DAB2IP: variants seen among roughly 807,000 people sequenced by gnomAD.
The protein encoded by DAB2IP is disabled homolog 2-interacting protein.
DAB2IP carries 28 observed loss-of-function variants against 107.2 expected under a neutral mutation model. The ratio of observed to expected loss-of-function variants is 0.26; its 90% CI spans 0.19 to 0.36. The LOEUF is 0.36. Among genes scored for constraint, DAB2IP ranks in the 10% least tolerant of loss-of-function variants. The pLI is 1.00. For missense variants in DAB2IP, 1,400 were observed against 1,644.7 expected (o/e 0.85, Z 2.57); for synonymous variants, 755 against 706.4 (o/e 1.07, Z -1.09).
intron 2 of DAB2IP, among the ~76,000 whole-genome samples, chr9:121,683,790 G>T (rs1012454635): frequency 5.3e-5 from 8 of 152,168 alleles, no homozygotes; most frequent in African/African-American, 1.9e-4. Flanking sequence ...CTTAAAGAAG[G>T]GACTCTTGGG....
At chr9:121,657,676 T>C (rs772945551) in intron 1 of DAB2IP, among the ~76,000 whole-genome samples, 1 of 152,052 alleles carries the variant, frequency 6.6e-6, no homozygotes, top group African/African-American at 2.4e-5. Context: ...CTAACTTTCT[T>C]GGTTGCTGCA....
At chr9:121,655,815 G>A (rs1391390312) in intron 1 of DAB2IP, among the ~76,000 whole-genome samples, 1 of 152,122 alleles carries the variant, frequency 6.6e-6, no homozygotes, top group Non-Finnish European at 1.5e-5. Context: ...CTGGGAGCTG[G>A]GGGTTTTGCA....
At chr9:121,614,660 G>A (rs953282142) in intron 1 of DAB2IP, among the ~76,000 whole-genome samples, 2 of 151,228 alleles carry the variant, frequency 1.3e-5, no homozygotes, top group African/African-American at 2.4e-5. Context: ...ATTCTGTTGT[G>A]CGGTTTCTAC....
intron 1 of DAB2IP, among the ~76,000 whole-genome samples, chr9:121,593,938 G>T (rs1271362902): frequency 3.3e-5 from 5 of 151,944 alleles, no homozygotes; most frequent in Non-Finnish European, 1.5e-5. Context: ...AAAGTGCTGG[G>T]TTTACAGACG....
rs1376740979 is a variant in DAB2IP, at chr9:121,763,639, G to A, written c.1305G>A (p.Gln435=). ...AGCTAGTGGGCCAGAAGTACCTGCA[G>A]GACGCCCTAGGTAGGGAGTGGGCCA... The change falls in exon 7 of 16, where the codon CAG becomes CAA. Residue 435 remains glutamine (Q), a synonymous_variant. Transcript: ENST00000408936. 10 of 1,613,012 alleles carry A rather than the reference G, an allele frequency of 6.2e-6. No homozygotes were observed. The Admixed American group carries it at 1.3e-4, about 22-fold the overall frequency.
At chr9:121,591,289 T>G (rs965147066) in intron 1 of DAB2IP, among the ~76,000 whole-genome samples, 6 of 152,146 alleles carry the variant, frequency 3.9e-5, no homozygotes, top group Non-Finnish European at 5.9e-5. Context: ...GCCAACATAG[T>G]GAAACCCTGT....
At chr9:121,666,031 C>T (rs895498973) in intron 1 of DAB2IP, among the ~76,000 whole-genome samples, 2 of 152,222 alleles carry the variant, frequency 1.3e-5, no homozygotes, top group African/African-American at 4.8e-5. Context: ...GGACAGAAGT[C>T]TGAAATCATT....
rs1018094731 is a variant in DAB2IP, at chr9:121,633,078, G to A, written c.41-45600G>A. ...ACTGATGCCGGAGAATAAATTTGCT[G>A]TTTTGTAGAGCATGTGGATGCATAT... On this transcript the variant is annotated intron_variant, in intron 1 of 16. Coordinates refer to the DAB2IP transcript ENST00000259371. This position sits in a 1 kb window ranked among gnomAD's most constrained non-coding sequence, Gnocchi z 5.1. Among the ~76,000 whole-genome samples the A allele has an allele frequency of 5.3e-5, 8 of 152,308 alleles. No individual in the cohort carries two copies. Among genetic ancestry groups the A allele is most frequent in the African/African-American group, 1.9e-4 (8 of 41,574 alleles).
chr9:121,686,860 C>T (rs951382762), intron 2 of DAB2IP, among the ~76,000 whole-genome samples: 2 of 152,208 alleles, frequency 1.3e-5, no homozygotes, highest in Non-Finnish European at 2.9e-5. Context: ...GCAGACCCCT[C>T]CCACTTCCAT....
intron 1 of DAB2IP, among the ~76,000 whole-genome samples, chr9:121,590,358 T>C (rs937127020): frequency 2.6e-5 from 4 of 151,662 alleles, no homozygotes; most frequent in African/African-American, 7.3e-5. Context: ...CATCCTATGA[T>C]GCTTCAGTCA....
chr9:121,600,467 G>A (rs913711429), intron 1 of DAB2IP, among the ~76,000 whole-genome samples: 2 of 152,128 alleles, frequency 1.3e-5, no homozygotes, highest in Non-Finnish European at 2.9e-5. Flanking sequence ...ACTGCAGGGT[G>A]TTCTGGTCTC....
intron 13 of DAB2IP, 142 bp downstream of exon 13, chr9:121,774,554 T>A: frequency 1.0e-6 from 1 of 988,220 alleles, no homozygotes; most frequent in Non-Finnish European, 1.4e-6. Context: ...CTGTTCCCTG[T>A]GAGAATAGCA....
rs1830604969 is a variant in DAB2IP at position 121,599,166 on chromosome 9, A to G, written c.40+31938A>G. Among the ~76,000 whole-genome samples, 1 of 152,152 alleles carries G rather than the reference A, an allele frequency of 6.6e-6. No homozygotes were observed. The highest frequency in any genetic ancestry group is 2.4e-5 in the African/African-American group (1 of 41,442). On this transcript the variant is annotated intron_variant, in intron 1 of 16. Coordinates refer to the DAB2IP transcript ENST00000259371. This position sits in a 1 kb window ranked among gnomAD's most constrained non-coding sequence, Gnocchi z 6.9. The stretch of plus-strand genomic sequence containing the variant: ...GGGAAGGGGAGCTGTAGGGTGGAAG[A>G]GGGATAAGTAAAGCAAAGTCGCGGC...
intron 1 of DAB2IP, among the ~76,000 whole-genome samples, chr9:121,594,557 G>A (rs1564689322): frequency 1.3e-5 from 2 of 152,168 alleles, no homozygotes; most frequent in Non-Finnish European, 2.9e-5. Context: ...TTCCCATCAA[G>A]AACACTCAAT....
At chr9:121,779,171 T>C (rs1010130620) in intron 14 of DAB2IP, among the ~76,000 whole-genome samples, 13 of 152,360 alleles carry the variant, frequency 8.5e-5, no homozygotes, top group African/African-American at 3.1e-4. Context: ...GCTATTAATC[T>C]GATCCAGTAT....
chr9:121,658,683 T>C (rs554073688), intron 1 of DAB2IP, among the ~76,000 whole-genome samples: 99 of 152,262 alleles, frequency 6.5e-4, no homozygotes, highest in African/African-American at 2.2e-3. Flanking sequence ...GAAAAAAAAG[T>C]AGACTCGATA....
intron 1 of DAB2IP, among the ~76,000 whole-genome samples, chr9:121,600,223 T>C (rs2777319): frequency 0.61 from 92,286 of 151,904 alleles, 28,352 homozygotes; most frequent in Middle Eastern, 0.63. Context: ...CCAAACCTCT[T>C]TATCCAGAGC....
chr9:121,570,102 T>C (rs2118880076), intron 1 of DAB2IP, among the ~76,000 whole-genome samples: 1 of 134,548 alleles, frequency 7.4e-6, no homozygotes, highest in East Asian at 2.1e-4. Context: ...CCCTTTTCTC[T>C]TTCTCTTTTT....
intron 14 of DAB2IP, among the ~76,000 whole-genome samples, chr9:121,781,097 A>C (rs943604322): frequency 1.3e-5 from 2 of 152,222 alleles, no homozygotes; most frequent in Admixed American, 6.5e-5. Context: ...AAAAAGTTCT[A>C]GAGCCTTTCA....
Sources: gnomAD v4.1 joint callset for allele counts (sites outside exome capture counted in the v4.1 genomes callset) on GRCh38, gnomAD v4.1.1 for gene constraint, Gnocchi (gnomAD v3.1) non-coding constraint, MANE v1.5 for transcripts, NCBI Gene and HGNC (gene_info 2026-07-23, HGNC 2026-07-21) for gene names.